The following CACNB2 variants were observed in gnomAD, a reference collection of about 807,000 sequenced individuals.
The protein encoded by CACNB2 is voltage-dependent L-type calcium channel subunit beta-2.
In CACNB2, 42 loss-of-function variants were observed where a neutral mutation model predicts 73.3. The ratio of observed to expected loss-of-function variants is 0.57; its 90% CI spans 0.45 to 0.74. The LOEUF (loss-of-function observed/expected upper bound fraction) is 0.74. Among genes scored for constraint, CACNB2 ranks in the 30% least tolerant of loss-of-function variants. The probability of loss-of-function intolerance (pLI) is 0.00; values close to 1 mark genes in which losing one functional copy is unlikely to be tolerated. For missense variants in CACNB2, 940 were observed against 853.0 expected, an observed-to-expected ratio of 1.10 and a Z score of -1.27; for synonymous variants, 348 against 310.3, an observed-to-expected ratio of 1.12 and a Z score of -1.28.
chr10:18,141,763 G>A (rs1221196437), intron 1 of CACNB2, among the ~76,000 whole-genome samples: 1 of 152,212 alleles, frequency 6.6e-6, no homozygotes, highest in Non-Finnish European at 1.5e-5. Flanking sequence ...TTTTCTCCCG[G>A]CAGGGAAATG....
chr10:18,271,251 G>T (rs772796260), intron 2 of CACNB2, among the ~76,000 whole-genome samples: 8 of 152,086 alleles, frequency 5.3e-5, no homozygotes, highest in Non-Finnish European at 7.4e-5. Context: ...CTCTTTTCCC[G>T]ATTTAGATGA....
At chr10:18,180,217 G>C (rs1240166509) in intron 2 of CACNB2, among the ~76,000 whole-genome samples, 2 of 152,100 alleles carry the variant, frequency 1.3e-5, no homozygotes, top group African/African-American at 2.4e-5. Context: ...ACTGTAGCAG[G>C]CTGGAGGGGA....
intron 2 of CACNB2, among the ~76,000 whole-genome samples, chr10:18,313,520 C>T (rs188609050): frequency 1.3e-5 from 2 of 152,116 alleles, no homozygotes; most frequent in Admixed American, 1.3e-4. Context: ...CTATTTGCTT[C>T]TCTGAACTCA....
rs1163192989 is a variant in CACNB2, at chr10:18,539,565, T to C, written c.1824T>C (p.Arg608=). ...ACAGACACAGGGAGTCCCGGCACCG[T>C]TCCCGGGACGTGGATCGAGAGCAGG... ...SDHRHRESRH[R]SRDVDREQDH... Residue 608 remains arginine, a synonymous_variant, in exon 14 of 14, where the codon CGT becomes CGC. Transcript: ENST00000324631. The C allele has an allele frequency of 3.1e-6, 5 of 1,613,044 alleles. No individual in the cohort carries two copies. Among genetic ancestry groups the C allele is most frequent in the African/African-American group, 2.7e-5 (2 of 74,540 alleles).
chr10:18,335,784 AACACACACAC>A (rs10545839), intron 2 of CACNB2, among the ~76,000 whole-genome samples: 64 of 144,070 alleles, frequency 4.4e-4, no homozygotes, highest in Middle Eastern at 7.0e-3. Context: ...ACAGCAAGAA[AACACACACAC>A]ACACACACAC....
At chr10:18,320,851 A>ACTTCC (rs2040373441) in intron 2 of CACNB2, among the ~76,000 whole-genome samples, 1 of 152,172 alleles carries the variant, frequency 6.6e-6, no homozygotes, top group Non-Finnish European at 1.5e-5. Context: ...CACATTTTGG[A>ACTTCC]TGCTCTCAAT....
At chr10:18,317,727 A>G (rs11814504) in intron 2 of CACNB2, among the ~76,000 whole-genome samples, 6,571 of 152,200 alleles carry the variant, frequency 0.043, 217 homozygotes, top group African/African-American at 0.095. Context: ...GTAGAATGAT[A>G]TGACCCTAAG....
chr10:18,527,661 G>T lies in CACNB2; in HGVS notation c.1018G>T (p.Ala340Ser). 6.2e-7 allele frequency: 1 copy of T among 1,613,648 alleles called. No individual in the cohort carries two copies. The highest frequency in any genetic ancestry group is 8.5e-7 in the Non-Finnish European group (1 of 1,179,738). ...RSVLNNPSKH[A>S]IIERSNTRSS... ...GGTATTAAACAATCCCAGTAAGCAC[G>T]CAATAATAGAAAGATCCAACACAAG... The change falls in exon 10 of 14, where the codon GCA becomes TCA. Residue 340 changes from alanine to serine, a missense_variant. By Grantham distance (99) the Ala-to-Ser change is moderately conservative. Coordinates refer to ENST00000324631, the MANE Select transcript of CACNB2 (RefSeq NM_201596.3).
At chr10:18,212,592 T>G (rs900073247) in intron 2 of CACNB2, among the ~76,000 whole-genome samples, 1 of 152,144 alleles carries the variant, frequency 6.6e-6, no homozygotes, top group Non-Finnish European at 1.5e-5. Flanking sequence ...ACTGCTAATA[T>G]TTTTTTAAAT....
chr10:18,177,599 G>GAAGA (rs1044685989), intron 2 of CACNB2, among the ~76,000 whole-genome samples: 2 of 151,286 alleles, frequency 1.3e-5, no homozygotes, highest in Non-Finnish European at 2.9e-5. Flanking sequence ...AGAAGAAGAA[G>GAAGA]AAGAAAGAAA....
intron 2 of CACNB2, among the ~76,000 whole-genome samples, chr10:18,393,132 C>T (rs182400547): frequency 3.3e-5 from 5 of 151,060 alleles, no homozygotes; most frequent in Admixed American, 1.3e-4. Context: ...TCGCTTGAAC[C>T]CGGGAAGCGG....
chr10:18,335,864 G>C (rs1044692084), intron 2 of CACNB2, among the ~76,000 whole-genome samples: 2 of 150,520 alleles, frequency 1.3e-5, no homozygotes, highest in African/African-American at 4.9e-5. Flanking sequence ...ATTTACAGAA[G>C]CTTGGAAAGG....
intron 6 of CACNB2, among the ~76,000 whole-genome samples, chr10:18,510,692 G>A (rs1002376542): frequency 2.0e-5 from 3 of 152,192 alleles, no homozygotes; most frequent in African/African-American, 7.2e-5. Context: ...TCATGAACTT[G>A]ACTGTCCAAG....
intron 12 of CACNB2, 126 bp from the exon 13 acceptor site, chr10:18,538,054 C>A: frequency 1.1e-6 from 1 of 870,866 alleles, no homozygotes; most frequent in Non-Finnish European, 1.9e-6. Flanking sequence ...ATAGTAGCAG[C>A]ACTTATAGAA....
intron 2 of CACNB2, among the ~76,000 whole-genome samples, chr10:18,327,798 C>T (rs1416777072): frequency 6.6e-6 from 1 of 152,018 alleles, no homozygotes; most frequent in Non-Finnish European, 1.5e-5. Context: ...AGGCAGTATC[C>T]GACTAACCTC....
rs552691165 is a variant in CACNB2, at chr10:18,537,856, ATATATATACATCTCTTT to A, written c.1303-322_1303-306del. On this transcript the variant is annotated intron_variant, in intron 12 of 13. Transcript: ENST00000324631. ...TCCTATTCTATTCTATTCTGTTCAA[ATATATATACATCTCTTT>A]TCTACCATAGTATCTATGCCTTTTT... Among the ~76,000 whole-genome samples, 5 of 152,302 alleles carry A rather than the reference ATATATATACATCTCTTT, an allele frequency of 3.3e-5. No homozygotes were observed. The East Asian group carries it at 9.7e-4, about 29-fold the overall frequency.
At position 18,290,662 on chromosome 10, in the gene CACNB2, A is replaced by G. The variant is rs370833663; in HGVS notation, c.214-111262A>G. ...TTTCTGAGCAGCTTCTGGTGGCCAA[A>G]TGTTTTCTTGGTAGCATATTCCCTC... On this transcript the variant is annotated intron_variant, in intron 2 of 13. Transcript: ENST00000324631. Among the ~76,000 whole-genome samples the G allele has an allele frequency of 7.9e-5, 12 of 152,324 alleles. No homozygotes were observed. In the East Asian group the frequency reaches 1.4e-3, roughly 17 times the overall value.
At chr10:18,475,949 G>T (rs2048418992) in intron 3 of CACNB2, among the ~76,000 whole-genome samples, 5 of 152,128 alleles carry the variant, frequency 3.3e-5, no homozygotes, top group Non-Finnish European at 5.9e-5. Flanking sequence ...TCAGGGCAAG[G>T]CCATAGAGTA....
At chr10:18,421,544 C>T (rs923994468) in intron 3 of CACNB2, among the ~76,000 whole-genome samples, 2 of 152,148 alleles carry the variant, frequency 1.3e-5, no homozygotes, top group African/African-American at 2.4e-5. Context: ...AGGTGATCCA[C>T]CCACCTCAAC....
Sources: gnomAD v4.1 joint callset for allele counts (sites outside exome capture counted in the v4.1 genomes callset) on GRCh38, gnomAD v4.1.1 for gene constraint, MANE v1.5 for transcripts, NCBI Gene and HGNC (gene_info 2026-07-23, HGNC 2026-07-21) for gene names.